Variants in GLDC observed in about 807,000 individuals in gnomAD.
GLDC encodes glycine dehydrogenase (decarboxylating), mitochondrial.
Under a neutral mutation model 121.3 loss-of-function variants are expected in GLDC, and 104 were observed. The ratio of observed to expected loss-of-function variants is 0.86; its 90% confidence interval spans 0.73 to 1.01. The LOEUF is 1.01. Among genes scored for constraint, GLDC ranks in the 50% least tolerant of loss-of-function variants. The probability of loss-of-function intolerance (pLI) is 0.00; values close to 1 mark genes in which losing one functional copy is unlikely to be tolerated. For synonymous variants in GLDC, 546 were observed against 480.6 expected (o/e 1.14, Z -1.78); for missense variants, 1,429 against 1,306.6 (o/e 1.09, Z -1.44).
At chr9:6,633,179 AG>A (rs1563871765) in intron 2 of GLDC, among the ~76,000 whole-genome samples, 1 of 152,174 alleles carries the variant, frequency 6.6e-6, no homozygotes, top group Non-Finnish European at 1.5e-5. Context: ...TGCCTAAGAA[AG>A]GTCGAGAATA....
intron 21 of GLDC, among the ~76,000 whole-genome samples, chr9:6,546,934 C>G (rs1054987563): frequency 2.0e-5 from 3 of 152,006 alleles, no homozygotes; most frequent in African/African-American, 4.8e-5. Context: ...TGCACTCCCA[C>G]CTGGGTGACC....
intron 2 of GLDC, among the ~76,000 whole-genome samples, chr9:6,623,977 G>A (rs894261363): frequency 1.3e-5 from 2 of 152,188 alleles, no homozygotes; most frequent in Non-Finnish European, 2.9e-5. Flanking sequence ...CCTGTTCTGC[G>A]TTGGTCCAGC....
At chr9:6,566,192 G>A (rs1002207165) in intron 15 of GLDC, among the ~76,000 whole-genome samples, 1 of 152,198 alleles carries the variant, frequency 6.6e-6, no homozygotes, top group Non-Finnish European at 1.5e-5. Context: ...GCAGTAAGCC[G>A]AGATGGTGCC....
At chr9:6,588,807 T>C (rs902304902) in intron 12 of GLDC, 105 bp from the exon 13 acceptor site, 3 of 788,700 alleles carry the variant, frequency 3.8e-6, no homozygotes, top group Non-Finnish European at 6.8e-6. Context: ...AAAATGCAGA[T>C]CAATTTTGGC....
chr9:6,535,956 G>C lies in GLDC; in HGVS notation c.2838+108C>G, dbSNP rs3765556. The C allele has an allele frequency of 0.26, 246,318 of 952,296 alleles. 34,515 individuals carry two copies. The highest frequency in any genetic ancestry group is 0.36 in the Admixed American group (20,829 of 57,676). The allele number at this position is 952,296 out of a possible 1,614,324, so 59.0% of individuals were successfully genotyped here. A position where few individuals can be genotyped will look rare whatever the true frequency, so the allele number is the denominator to read the frequency against. On this transcript the variant is annotated intron_variant, in intron 23 of 24. Transcript: ENST00000321612. Reference sequence around the variant, plus strand: ...TTCTCAGAAGAATTACCTTATTCTAGGGAAGAGTATCATCCTCAGTTGAGA... The same window carrying C: ...TTCTCAGAAGAATTACCTTATTCTACGGAAGAGTATCATCCTCAGTTGAGA...
At chr9:6,621,206 CA>C (rs1248902619) in intron 2 of GLDC, among the ~76,000 whole-genome samples, 1 of 152,148 alleles carries the variant, frequency 6.6e-6, no homozygotes, top group Non-Finnish European at 1.5e-5. Context: ...CACCCTTATG[CA>C]GTTTCTACCA....
intron 9 of GLDC, among the ~76,000 whole-genome samples, 181 bp downstream of exon 9, chr9:6,594,833 A>AAG (rs768854111): frequency 1.5e-5 from 2 of 131,640 alleles, no homozygotes; most frequent in Non-Finnish European, 1.8e-5. Flanking sequence ...GAAAGAAAGA[A>AAG]AAAGAAAGAG....
chr9:6,607,943 C>T (rs1283512647), intron 4 of GLDC, among the ~76,000 whole-genome samples: 14 of 151,394 alleles, frequency 9.2e-5, no homozygotes. Flanking sequence ...GGCAACATGG[C>T]AAAACCCTAT....
chr9:6,630,443 G>GC (rs1035759628), intron 2 of GLDC, among the ~76,000 whole-genome samples: 19 of 151,968 alleles, frequency 1.3e-4, no homozygotes, highest in African/African-American at 4.6e-4. Flanking sequence ...GCCACTAACC[G>GC]CGTCAGAGCC....
intron 15 of GLDC, among the ~76,000 whole-genome samples, chr9:6,577,318 A>G (rs190711096): frequency 6.6e-6 from 1 of 152,300 alleles, no homozygotes; most frequent in East Asian, 1.9e-4. Flanking sequence ...CTGGGAGACT[A>G]CCTCACTGTA....
chr9:6,535,819 A>C (rs1445050555), intron 23 of GLDC: 1 of 534,576 alleles, frequency 1.9e-6, no homozygotes, highest in East Asian at 3.4e-5. Context: ...GAGATGCAGA[A>C]TGTTACAAAT....
chr9:6,603,175 C>A (rs1312972657), intron 7 of GLDC, among the ~76,000 whole-genome samples: 1 of 151,732 alleles, frequency 6.6e-6, no homozygotes, highest in Non-Finnish European at 1.5e-5. Flanking sequence ...TTGCAGTGAG[C>A]CAAGATCGTA....
intron 20 of GLDC, among the ~76,000 whole-genome samples, chr9:6,552,292 C>A (rs1217517073): frequency 2.0e-5 from 3 of 152,128 alleles, no homozygotes; most frequent in East Asian, 1.9e-4. Flanking sequence ...GCCAAACCAA[C>A]CTTGGGGCAT....
At chr9:6,628,417 G>A (rs1338227195) in intron 2 of GLDC, among the ~76,000 whole-genome samples, 3 of 152,194 alleles carry the variant, frequency 2.0e-5, no homozygotes, top group Admixed American at 1.3e-4. Flanking sequence ...CTGTGCACAA[G>A]CCTAATTCCT....
At chr9:6,617,890 G>T (rs570421582) in intron 3 of GLDC, among the ~76,000 whole-genome samples, 1 of 152,336 alleles carries the variant, frequency 6.6e-6, no homozygotes, top group Admixed American at 6.5e-5. Context: ...TACAACTTAT[G>T]ATTTCCCACT....
At chr9:6,592,771 A>G in intron 10 of GLDC, 80 bp downstream of exon 10, 1 of 1,384,364 alleles carries the variant, frequency 7.2e-7, no homozygotes, top group Non-Finnish European at 1.0e-6. Flanking sequence ...TTTATTTTTT[A>G]AAAACAAAGA....
chr9:6,579,441 T>C (rs1818132958), intron 15 of GLDC, among the ~76,000 whole-genome samples: 1 of 152,230 alleles, frequency 6.6e-6, no homozygotes, highest in South Asian at 2.1e-4. Flanking sequence ...TTTGGGTTTT[T>C]GTTTTGGAAT....
intron 14 of GLDC, 131 bp downstream of exon 14, chr9:6,588,270 G>T: frequency 1.3e-6 from 1 of 784,108 alleles, no homozygotes; most frequent in Non-Finnish European, 2.3e-6. Flanking sequence ...GAATAGCAAG[G>T]TAAAGAATTA....
intron 17 of GLDC, among the ~76,000 whole-genome samples, chr9:6,557,220 C>G (rs1056589276): frequency 4.6e-5 from 7 of 151,966 alleles, no homozygotes; most frequent in African/African-American, 1.2e-4. Context: ...GCTGATTACC[C>G]TGATCTGATC....
Sources: allele counts gnomAD v4.1 joint callset (sites outside exome capture counted in the v4.1 genomes callset), GRCh38; gene constraint gnomAD v4.1.1; transcripts MANE v1.5; gene names NCBI Gene and HGNC (gene_info 2026-07-23, HGNC 2026-07-21).